FLI1: variants seen among roughly 807,000 people sequenced by gnomAD.
FLI1 encodes the protein Friend leukemia integration 1 transcription factor.
FLI1 carries 13 observed loss-of-function variants against 53.1 expected under a neutral mutation model. The observed-to-expected ratio is 0.24, with a 90% CI of 0.16 to 0.39. The LOEUF (loss-of-function observed/expected upper bound fraction) is 0.39. FLI1 is among the 10% of genes least tolerant of loss of function. The pLI, the probability that FLI1 is intolerant of heterozygous loss-of-function variation, is 1.00. For missense variants in FLI1, 424 were observed against 600.5 expected, an observed-to-expected ratio of 0.71 and a Z score of 3.07; for synonymous variants, 244 against 236.7, an observed-to-expected ratio of 1.03 and a Z score of -0.28.
intron 1 of FLI1, among the ~76,000 whole-genome samples, chr11:128,687,519 C>T (rs570063650): frequency 6.6e-6 from 1 of 152,284 alleles, no homozygotes; most frequent in African/African-American, 2.4e-5. Context: ...GAAGGACTCT[C>T]CGCAGTGCTG....
At chr11:128,774,280 G>C (rs1055464306) in intron 4 of FLI1, among the ~76,000 whole-genome samples, 1 of 152,186 alleles carries the variant, frequency 6.6e-6, no homozygotes, top group African/African-American at 2.4e-5. Context: ...TAACTAGTGC[G>C]AGAAAGTAGA....
In FLI1 at chr11:128,812,565, C is replaced by A. The variant is rs682695; in HGVS notation, c.*1577C>A. On this transcript the variant is annotated 3_prime_UTR_variant, in exon 9 of 9. Transcript: ENST00000527786. The stretch of plus-strand genomic sequence containing the variant: ...AAGGTAAAAAATCAGTGTGGTTTTT[C>A]ATTGTTGTTGATGATGTTTGTAGTG... The A allele has an allele frequency of 0.26, 58,912 of 223,138 alleles. 8,420 individuals are homozygous for A. The highest frequency in any genetic ancestry group is 0.32 in the Non-Finnish European group (35,639 of 111,732). 13.8% of individuals were successfully genotyped at this position (223,138 alleles called of 1,614,324 possible).
At position 128,812,166 on chromosome 11, in the gene FLI1, T is replaced by C; in HGVS notation, c.*1178T>C. 4.6e-6 allele frequency: 1 copy of C among 217,350 alleles called. No homozygotes were observed. The highest frequency in any genetic ancestry group is 9.3e-6 in the Non-Finnish European group (1 of 107,880). The allele number at this position is 217,350 out of a possible 1,614,324, so 13.5% of individuals were successfully genotyped here. On this transcript the variant is annotated 3_prime_UTR_variant, in exon 9 of 9. Coordinates refer to ENST00000527786, the MANE Select transcript of FLI1 (RefSeq NM_002017.5). Reference sequence around the variant, plus strand: ...GCAGGGAAAAGATAATCCATTTAGATCTTTAATGCTTTGGAAATGCGTGTA... The same window carrying C: ...GCAGGGAAAAGATAATCCATTTAGACCTTTAATGCTTTGGAAATGCGTGTA...
At chr11:128,768,315 A>T in intron 3 of FLI1, 43 bp downstream of exon 3, 1 of 1,503,368 alleles carries the variant, frequency 6.7e-7, no homozygotes, top group Non-Finnish European at 8.9e-7. Context: ...TCACTTCCCC[A>T]CTCTCTGGGG....
rs769956865 is a variant in FLI1 at position 128,810,421 on chromosome 11, G to C, written c.830-38G>C. 1 of 1,551,954 alleles carries C rather than the reference G, an allele frequency of 6.4e-7. No homozygotes were observed. On this transcript the variant is annotated intron_variant, in intron 8 of 8. Coordinates refer to ENST00000527786, the MANE Select transcript of FLI1 (RefSeq NM_002017.5). The surrounding 1 kb of genome is among the most constrained non-coding windows in gnomAD (Gnocchi z 6.6). ...CTGGGTTCTGCCTTCTCTGGGCTGAGGTGTTCTGTTCTCTCCCGTTTGCCT... is the reference window on the plus strand; with the variant it reads ...CTGGGTTCTGCCTTCTCTGGGCTGACGTGTTCTGTTCTCTCCCGTTTGCCT...
intron 5 of FLI1, among the ~76,000 whole-genome samples, chr11:128,795,828 G>C (rs1471081789): frequency 2.0e-5 from 3 of 152,196 alleles, no homozygotes; most frequent in African/African-American, 4.8e-5. Context: ...GGGATTACAG[G>C]CGTGAGCCAC....
At chr11:128,737,257 C>T (rs1939949677) in intron 1 of FLI1, among the ~76,000 whole-genome samples, 1 of 152,142 alleles carries the variant, frequency 6.6e-6, no homozygotes, top group South Asian at 2.1e-4. Flanking sequence ...GGTTAGTTCC[C>T]TGACCACCTC....
At chr11:128,801,397 ATTC>A (rs1942632565) in intron 5 of FLI1, among the ~76,000 whole-genome samples, 1 of 152,220 alleles carries the variant, frequency 6.6e-6, no homozygotes, top group South Asian at 2.1e-4. Flanking sequence ...ACACTGCTAA[ATTC>A]TTCTTGAGTG....
chr11:128,685,754 G>A (rs1345288419), upstream of FLI1, among the ~76,000 whole-genome samples: 4 of 150,844 alleles, frequency 2.7e-5, no homozygotes, highest in African/African-American at 9.7e-5. Context: ...TGTTAGTGGG[G>A]AGAAAAGTGC....
intron 4 of FLI1, among the ~76,000 whole-genome samples, chr11:128,777,527 T>C (rs547738832): frequency 1.3e-5 from 2 of 152,328 alleles, no homozygotes; most frequent in South Asian, 4.1e-4. Context: ...GGCAGAGGTT[T>C]TGAGTCTGGG....
chr11:128,730,552 CAT>C (rs1479521259), intron 1 of FLI1, among the ~76,000 whole-genome samples: 1 of 152,208 alleles, frequency 6.6e-6, no homozygotes, highest in African/African-American at 2.4e-5. Context: ...GGAACAGACA[CAT>C]GTTTTCATTT....
At chr11:128,702,032 T>G (rs1938355662) in intron 1 of FLI1, among the ~76,000 whole-genome samples, 1 of 152,238 alleles carries the variant, frequency 6.6e-6, no homozygotes, top group African/African-American at 2.4e-5. Context: ...ATTAGAAAAT[T>G]ACTCTGCTCA....
chr11:128,734,357 G>T lies in FLI1; in HGVS notation c.19-23758G>T, dbSNP rs572993931. On this transcript the variant is annotated intron_variant, in intron 1 of 8. Transcript: ENST00000527786. ...GAGCTGAGTACTCAGATGGAAGAAG[G>T]CTATTCTCGTGCGTGTGCAGAGACC... is the stretch of plus-strand genomic sequence containing the variant. Among the ~76,000 whole-genome samples the T allele has an allele frequency of 5.3e-5, 8 of 152,314 alleles. No individual in the cohort carries two copies. In the South Asian group the frequency reaches 1.7e-3, roughly 32 times the overall value.
intron 1 of FLI1, 37 bp downstream of exon 1, chr11:128,694,313 C>A (rs759119632): frequency 3.0e-6 from 4 of 1,320,958 alleles, no homozygotes; most frequent in Non-Finnish European, 3.9e-6. Flanking sequence ...CGGCGGGGAC[C>A]GGCCGGGGAG....
rs776467314 is a variant in FLI1 at position 128,758,236 on chromosome 11, A to G, written c.140A>G (p.Lys47Arg). The G allele has an allele frequency of 5.0e-5, 80 of 1,613,410 alleles. No homozygotes were observed. Among genetic ancestry groups the G allele is most frequent in the Non-Finnish European group, 6.3e-5 (74 of 1,179,692 alleles). The change falls in exon 2 of 9, where the codon AAG (lysine) becomes AGG (arginine). Residue 47 changes from lysine (K) to arginine (R), a missense_variant. By Grantham distance (26) the Lys-to-Arg change is conservative. This residue lies in a region of FLI1 where 137 missense variants were observed against 169.1 expected (regional missense o/e 0.81). Coordinates refer to ENST00000527786, the MANE Select transcript of FLI1 (RefSeq NM_002017.5). ...AGTCCTGACTACGGGCAGCCCCACA[A>G]GATCAACCCCCTCCCACCACAGCAG... ...SGSPDYGQPH[K>R]INPLPPQQEW...
At chr11:128,799,014 T>C (rs1197758608) in intron 5 of FLI1, among the ~76,000 whole-genome samples, 1 of 148,122 alleles carries the variant, frequency 6.8e-6, no homozygotes, top group Non-Finnish European at 1.5e-5. Flanking sequence ...CACGATTTAT[T>C]TTATTATATT....
At chr11:128,716,364 TG>T (rs1234151506) in intron 1 of FLI1, among the ~76,000 whole-genome samples, 1 of 152,210 alleles carries the variant, frequency 6.6e-6, no homozygotes, top group Admixed American at 6.5e-5. Flanking sequence ...ATGCCAGAGC[TG>T]GGGGTGGGGG....
intron 1 of FLI1, among the ~76,000 whole-genome samples, chr11:128,720,720 T>C (rs1461261274): frequency 6.6e-6 from 1 of 152,192 alleles, no homozygotes; most frequent in Non-Finnish European, 1.5e-5. Context: ...AATAGAAGGG[T>C]TGCCTCTTTT....
At chr11:128,777,254 G>GGGGGAGGC (rs1430761570) in intron 4 of FLI1, among the ~76,000 whole-genome samples, 34 of 152,168 alleles carry the variant, frequency 2.2e-4, no homozygotes, top group East Asian at 7.7e-4. Flanking sequence ...CCGAGGCCCC[G>GGGGGAGGC]GGGGAGGTGG....
Sources: gnomAD v4.1 joint callset for allele counts (sites outside exome capture counted in the v4.1 genomes callset) on GRCh38, gnomAD v4.1.1 for gene constraint, gnomAD v4.1.1 regional missense constraint, Gnocchi (gnomAD v3.1) non-coding constraint, MANE v1.5 for transcripts, NCBI Gene and HGNC (gene_info 2026-07-23, HGNC 2026-07-21) for gene names.